The following EMSY variants were observed in gnomAD, a reference collection of about 807,000 sequenced individuals.
The protein encoded by EMSY is EMSY transcriptional repressor, BRCA2 interacting.
EMSY carries 26 observed loss-of-function variants against 134.6 expected under a neutral mutation model. The ratio of observed to expected loss-of-function variants is 0.19; its 90% CI spans 0.14 to 0.27. The LOEUF is 0.27. EMSY is among the 10% of genes least tolerant of loss of function. The probability of loss-of-function intolerance (pLI) is 1.00; values close to 1 mark genes in which losing one functional copy is unlikely to be tolerated. For synonymous variants in EMSY, 579 were observed against 577.8 expected (o/e 1.00, Z -0.03); for missense variants, 1,305 against 1,611.4 (o/e 0.81, Z 3.26).
chr11:76,475,064 T>C (rs1040706856), intron 8 of EMSY, among the ~76,000 whole-genome samples: 2 of 152,164 alleles, frequency 1.3e-5, no homozygotes, highest in Non-Finnish European at 2.9e-5. Flanking sequence ...ATGCCCGGCC[T>C]AAATATAAAA....
At chr11:76,532,201 G>T (rs1426579689) in intron 14 of EMSY, among the ~76,000 whole-genome samples, 2 of 152,078 alleles carry the variant, frequency 1.3e-5, no homozygotes, top group African/African-American at 4.8e-5. Flanking sequence ...TACATATCTG[G>T]CATTTATCCA....
chr11:76,446,921 T>C (rs748001924), exon 2 of EMSY: 8 of 1,610,512 alleles, frequency 5.0e-6, no homozygotes, highest in Middle Eastern at 1.7e-4. Context: ...TCTTTGGGGC[T>C]ACCAAACAGA....
At chr11:76,466,159 A>G (rs568775885) in intron 7 of EMSY, among the ~76,000 whole-genome samples, 26 of 152,316 alleles carry the variant, frequency 1.7e-4, no homozygotes, top group African/African-American at 6.0e-4. Flanking sequence ...AATCTCCCTC[A>G]TGACAGTAAA....
In EMSY at chr11:76,515,425, T is replaced by G. The variant is rs1274509718; in HGVS notation, c.1514-717T>G. Reference sequence around the variant, plus strand: ...ATGTAGTTAGCTTTTAATTCCTGTTTGGAGAAAAGAAAAAAGTGTTAGAAA... The same window carrying G: ...ATGTAGTTAGCTTTTAATTCCTGTTGGGAGAAAAGAAAAAAGTGTTAGAAA... On this transcript the variant is annotated intron_variant, in intron 10 of 20. Coordinates refer to ENST00000334736, the Ensembl canonical transcript of EMSY. Among the ~76,000 whole-genome samples, 3 of 152,106 alleles carry G rather than the reference T, an allele frequency of 2.0e-5. 1 individual carries two copies. Among genetic ancestry groups the G allele is most frequent in the Admixed American group, 2.0e-4 (3 of 15,254 alleles).
At chr11:76,475,813 A>G (rs1314689944) in intron 8 of EMSY, among the ~76,000 whole-genome samples, 2 of 152,198 alleles carry the variant, frequency 1.3e-5, no homozygotes, top group African/African-American at 2.4e-5. Flanking sequence ...AGTGTCTCCT[A>G]CTATGGACTA....
intron 14 of EMSY, among the ~76,000 whole-genome samples, chr11:76,530,155 G>GGT (rs1950982386): frequency 1.7e-5 from 2 of 114,350 alleles, no homozygotes; most frequent in African/African-American, 3.5e-5. Context: ...AATCTTTAGG[G>GGT]TTTTTTTTTT....
At chr11:76,516,032 T>C in intron 10 of EMSY, 110 bp from the exon 12 acceptor site, 1 of 977,706 alleles carries the variant, frequency 1.0e-6, no homozygotes, top group Non-Finnish European at 1.5e-6. Context: ...TGAAATTCCA[T>C]TTTCAAGTTA....
In EMSY at chr11:76,446,934, C is replaced by T. The variant is rs1280279433; in HGVS notation, c.-5C>T. 1.9e-6 allele frequency: 3 copies of T among 1,612,192 alleles called. No homozygotes were observed. The African/African-American group carries it at 4.0e-5, about 22-fold the overall frequency. ...GCTCTTTGGGGCTACCAAACAGAAG[C>T]AGCAATGCCTGTTGTGTGGCCAACC... On this transcript the variant is annotated 5_prime_UTR_variant, in exon 2 of 21. An upstream open reading frame in the 5' UTR gains an earlier in-frame stop. Transcript: ENST00000334736.
intron 17 of EMSY, among the ~76,000 whole-genome samples, chr11:76,540,324 T>C (rs1424503593): frequency 6.6e-6 from 1 of 152,210 alleles, no homozygotes. Context: ...TATTATAATT[T>C]GTTTTTTCTA....
chr11:76,542,753 G>GTT (rs1555077830), intron 18 of EMSY, among the ~76,000 whole-genome samples: 4 of 109,256 alleles, frequency 3.7e-5, no homozygotes, highest in Non-Finnish European at 5.6e-5. Context: ...TTCGTTTTTT[G>GTT]TTTTTTTTTT....
At chr11:76,499,617 G>C (rs1195823583) in intron 9 of EMSY, among the ~76,000 whole-genome samples, 1 of 152,078 alleles carries the variant, frequency 6.6e-6, no homozygotes, top group East Asian at 1.9e-4. Context: ...GATATATTTA[G>C]ATCATTTACA....
chr11:76,544,738 C>G (rs759556172), exon 19 of EMSY: 1 of 1,614,154 alleles, frequency 6.2e-7, no homozygotes, highest in Non-Finnish European at 8.5e-7. Context: ...AGGCTCCGAA[C>G]CAACCAAAAA....
intron 6 of EMSY, among the ~76,000 whole-genome samples, chr11:76,462,780 T>C (rs1948177331): frequency 6.6e-6 from 1 of 152,222 alleles, no homozygotes; most frequent in African/African-American, 2.4e-5. Flanking sequence ...TATTGTGTTC[T>C]TGGAAAGATA....
At chr11:76,519,003 T>C (rs1369084961) in intron 11 of EMSY, among the ~76,000 whole-genome samples, 1 of 151,750 alleles carries the variant, frequency 6.6e-6, no homozygotes, top group Non-Finnish European at 1.5e-5. Context: ...TTCTAGAAAG[T>C]TCTTTTTATT....
chr11:76,483,946 A>C (rs948593813), intron 8 of EMSY, among the ~76,000 whole-genome samples: 8 of 152,204 alleles, frequency 5.3e-5, no homozygotes, highest in Non-Finnish European at 1.0e-4. Context: ...CAGAATATAC[A>C]TTCTTCTCAG....
chr11:76,530,267 C>T (rs775574305), intron 14 of EMSY, among the ~76,000 whole-genome samples: 81 of 144,712 alleles, frequency 5.6e-4, no homozygotes, highest in Non-Finnish European at 9.1e-4. Flanking sequence ...TCAAGCGATT[C>T]TCCTGCCTCA....
intron 4 of EMSY, among the ~76,000 whole-genome samples, chr11:76,455,612 T>C (rs139904957): frequency 7.7e-4 from 117 of 152,040 alleles, no homozygotes; most frequent in Non-Finnish European, 1.5e-3. Context: ...TGAAAGGTGA[T>C]GAGAAAGCTG....
intron 14 of EMSY, among the ~76,000 whole-genome samples, chr11:76,529,076 C>T (rs1429524068): frequency 2.6e-5 from 4 of 152,096 alleles, no homozygotes; most frequent in African/African-American, 4.8e-5. Flanking sequence ...TCTTTGTCCT[C>T]GGTGCTGTTT....
rs1281514734 is a variant in EMSY, at chr11:76,528,455, A to G, written c.2183A>G (p.Gln728Arg). 4.4e-6 allele frequency: 7 copies of G among 1,601,166 alleles called. No homozygotes were observed. The East Asian group carries it at 8.9e-5, about 20-fold the overall frequency. Residue 728 changes from glutamine to arginine, a missense_variant, in exon 14 of 21, where the codon CAG becomes CGG. Around this residue, in one of 7 missense-constraint regions of EMSY, gnomAD observed 664 missense variants for 763.9 expected, o/e 0.87. Coordinates refer to ENST00000334736, the Ensembl canonical transcript of EMSY. ...AGTTCCTCTTCTACAGAGTCCTCCC[A>G]GAGTTCCCAAGGTAAGATCTATTTT...
Sources: gnomAD v4.1 joint callset for allele counts (sites outside exome capture counted in the v4.1 genomes callset) on GRCh38, gnomAD v4.1.1 for gene constraint, gnomAD v4.1.1 regional missense constraint, MANE v1.5 for transcripts, NCBI Gene and HGNC (gene_info 2026-07-23, HGNC 2026-07-21) for gene names.